Variants in GNA14 observed in about 807,000 individuals in gnomAD.
The protein encoded by GNA14 is guanine nucleotide-binding protein subunit alpha-14.
Under a neutral mutation model 42.0 loss-of-function variants are expected in GNA14, and 50 were observed. The observed-to-expected ratio is 1.19, with a 90% CI of 0.95 to 1.51. The LOEUF (loss-of-function observed/expected upper bound fraction) is 1.51, where lower values mean the gene tolerates loss of function less well. GNA14 is among the 40% of genes most tolerant of loss of function. GNA14 has a pLI of 0.00. For missense variants in GNA14, 473 were observed against 446.2 expected, an observed-to-expected ratio of 1.06 and a Z score of -0.54; for synonymous variants, 173 against 163.1, an observed-to-expected ratio of 1.06 and a Z score of -0.46.
chr9:77,501,751 C>T (rs1281453315), intron 2 of GNA14, among the ~76,000 whole-genome samples: 2 of 132,874 alleles, frequency 1.5e-5, no homozygotes, highest in African/African-American at 5.8e-5. Context: ...TGCTCTGTCA[C>T]CCGGGTTGGA....
chr9:77,449,959 C>T (rs1476681804), intron 2 of GNA14, among the ~76,000 whole-genome samples: 5 of 152,142 alleles, frequency 3.3e-5, no homozygotes, highest in South Asian at 4.1e-4. Context: ...CAGACAAGAA[C>T]CTTAGAAACA....
chr9:77,574,749 G>A (rs1823104474), intron 1 of GNA14, among the ~76,000 whole-genome samples: 1 of 152,158 alleles, frequency 6.6e-6, no homozygotes, highest in Non-Finnish European at 1.5e-5. Context: ...CACTCAGTCA[G>A]GCAGGCAACC....
chr9:77,643,248 T>C (rs1214079541), intron 1 of GNA14, among the ~76,000 whole-genome samples: 1 of 151,728 alleles, frequency 6.6e-6, no homozygotes, highest in Admixed American at 6.6e-5. Flanking sequence ...TCATTTTTTT[T>C]TTTTTTTTGA....
chr9:77,592,800 T>C (rs1431161105), intron 1 of GNA14, among the ~76,000 whole-genome samples: 1 of 152,242 alleles, frequency 6.6e-6, no homozygotes, highest in African/African-American at 2.4e-5. Flanking sequence ...ATCTTCTTGC[T>C]TTATTGCCCT....
intron 1 of GNA14, among the ~76,000 whole-genome samples, chr9:77,611,939 A>G (rs1221904011): frequency 3.9e-5 from 6 of 152,254 alleles, no homozygotes; most frequent in African/African-American, 1.4e-4. Context: ...GTTGCCCCCA[A>G]AATGTAAAGT....
chr9:77,485,427 C>A (rs1836641019), intron 2 of GNA14, among the ~76,000 whole-genome samples: 1 of 152,154 alleles, frequency 6.6e-6, no homozygotes, highest in Admixed American at 6.5e-5. Flanking sequence ...AAGTCCTGAA[C>A]CTTCAAAGTC....
chr9:77,538,130 G>A (rs559511827), intron 1 of GNA14, among the ~76,000 whole-genome samples: 1 of 151,294 alleles, frequency 6.6e-6, no homozygotes, highest in East Asian at 1.9e-4. Context: ...GAGTGCAGAG[G>A]TACAATCTTA....
chr9:77,536,466 T>C (rs2131773579), intron 1 of GNA14, among the ~76,000 whole-genome samples: 1 of 152,330 alleles, frequency 6.6e-6, no homozygotes. Context: ...TTCTTCTGCC[T>C]CAGCCTCCCA....
chr9:77,568,788 T>C lies in GNA14; in HGVS notation c.125-39535A>G, dbSNP rs931331016. 2.4e-4 allele frequency among the ~76,000 whole-genome samples: 36 copies of C among 152,142 alleles called. 2 individuals carry two copies. The highest frequency in any genetic ancestry group is 2.9e-5 in the Non-Finnish European group (2 of 68,024). On this transcript the variant is annotated intron_variant, in intron 1 of 6. Coordinates refer to ENST00000341700, the MANE Select transcript of GNA14 (RefSeq NM_004297.4). ...TAGTCCTGCTCATCAACCACAGAGC[T>C]GAGGAGCAGGCTGCAGAGGAGATGG...
At chr9:77,463,933 G>C (rs75736128) in intron 2 of GNA14, among the ~76,000 whole-genome samples, 1 of 150,150 alleles carries the variant, frequency 6.7e-6, no homozygotes, top group Non-Finnish European at 1.5e-5. Flanking sequence ...AAAAGAAAGA[G>C]AAATATATAG....
intron 2 of GNA14, among the ~76,000 whole-genome samples, chr9:77,438,283 T>TA (rs1276591752): frequency 6.7e-6 from 1 of 150,008 alleles, no homozygotes; most frequent in Non-Finnish European, 1.5e-5. Flanking sequence ...TTTTTTTTTT[T>TA]AAAGACATAG....
chr9:77,615,702 T>TACCC (rs1823801298), intron 1 of GNA14, among the ~76,000 whole-genome samples: 4 of 134,388 alleles, frequency 3.0e-5, no homozygotes. Context: ...GAAAATGAAA[T>TACCC]ACACACACAC....
chr9:77,511,974 T>G (rs975067722), intron 2 of GNA14, among the ~76,000 whole-genome samples: 5 of 152,174 alleles, frequency 3.3e-5, no homozygotes, highest in African/African-American at 9.7e-5. Flanking sequence ...TGTGCCGCCA[T>G]GGGCTCCGTA....
chr9:77,544,105 T>G (rs1230699148), intron 1 of GNA14, among the ~76,000 whole-genome samples: 1 of 152,218 alleles, frequency 6.6e-6, no homozygotes, highest in African/African-American at 2.4e-5. Flanking sequence ...TCTAGACATC[T>G]TTGAGATGTG....
At chr9:77,471,809 A>G (rs990001) in intron 2 of GNA14, among the ~76,000 whole-genome samples, 137,823 of 152,178 alleles carry the variant, frequency 0.91, 62,848 homozygotes, top group East Asian at 0.99. Flanking sequence ...TTAAGGACTT[A>G]TAAAGGTCAT....
At chr9:77,490,743 C>T (rs1231934343) in intron 2 of GNA14, among the ~76,000 whole-genome samples, 3 of 152,234 alleles carry the variant, frequency 2.0e-5, no homozygotes, top group East Asian at 1.9e-4. Flanking sequence ...CACACAGCCC[C>T]GGTTCCTGCT....
intron 1 of GNA14, among the ~76,000 whole-genome samples, chr9:77,556,039 G>T (rs1056480358): frequency 1.3e-5 from 2 of 152,166 alleles, no homozygotes; most frequent in African/African-American, 4.8e-5. Flanking sequence ...GAGGTCAGGA[G>T]TTCAAAATCA....
intron 2 of GNA14, among the ~76,000 whole-genome samples, chr9:77,522,166 GTTA>G (rs1383013676): frequency 6.6e-6 from 1 of 152,144 alleles, no homozygotes; most frequent in Admixed American, 6.6e-5. Context: ...CTTTCAACCT[GTTA>G]TTAATACAAT....
At chr9:77,482,598 G>C (rs1180096691) in intron 2 of GNA14, among the ~76,000 whole-genome samples, 1 of 152,024 alleles carries the variant, frequency 6.6e-6, no homozygotes, top group African/African-American at 2.4e-5. Flanking sequence ...CTGAATGTTG[G>C]CCTGCCTTGC....
Sources: gnomAD v4.1 joint callset for allele counts (sites outside exome capture counted in the v4.1 genomes callset) on GRCh38, gnomAD v4.1.1 for gene constraint, MANE v1.5 for transcripts, NCBI Gene and HGNC (gene_info 2026-07-23, HGNC 2026-07-21) for gene names.